Variants in JARID2 observed in about 807,000 individuals in gnomAD.
JARID2 encodes the protein jumonji and AT-rich interaction domain containing 2, also known as protein Jumonji.
Under a neutral mutation model 125.6 loss-of-function variants are expected in JARID2, and 21 were observed. The ratio of observed to expected loss-of-function variants is 0.17; its 90% CI spans 0.12 to 0.24. The LOEUF (loss-of-function observed/expected upper bound fraction) is 0.24, where lower values mean the gene tolerates loss of function less well. Among genes scored for constraint, JARID2 ranks in the 10% least tolerant of loss-of-function variants. The pLI is 1.00. For missense variants in JARID2, 1,303 were observed against 1,639.6 expected (o/e 0.79, Z 3.55); for synonymous variants, 736 against 661.6 (o/e 1.11, Z -1.73).
rs577245165 is a variant in JARID2 at position 15,432,213 on chromosome 6, G to C, written c.324-19793G>C. Among the ~76,000 whole-genome samples, 15 of 152,184 alleles carry C rather than the reference G, an allele frequency of 9.9e-5. No individual in the cohort carries two copies. The East Asian group carries it at 1.9e-3, about 20-fold the overall frequency. On this transcript the variant is annotated intron_variant, in intron 3 of 17. Transcript: ENST00000341776. The stretch of plus-strand genomic sequence containing the variant: ...GGAGGCTAAGGCGGGTGGATCTCTT[G>C]AGGTCAGGGATTCAAGACCAGCTTG...
At chr6:15,255,025 CAA>C (rs539161155) in intron 1 of JARID2, among the ~76,000 whole-genome samples, 37 of 141,628 alleles carry the variant, frequency 2.6e-4, no homozygotes, top group African/African-American at 9.3e-4. Context: ...AAACAAAAAA[CAA>C]AAAAAAAACA....
intron 1 of JARID2, among the ~76,000 whole-genome samples, chr6:15,276,888 T>C (rs1471533348): frequency 6.6e-6 from 1 of 152,192 alleles, no homozygotes; most frequent in East Asian, 1.9e-4. Context: ...ATTGTGTTTT[T>C]GGACCTTCCC....
intron 1 of JARID2, among the ~76,000 whole-genome samples, chr6:15,355,906 C>T (rs182035977): frequency 1.4e-3 from 206 of 152,314 alleles, no homozygotes; most frequent in African/African-American, 4.6e-3. Context: ...CCAGTGTGCC[C>T]GGCCACTTAG....
chr6:15,424,133 C>CT (rs66481311), intron 3 of JARID2, among the ~76,000 whole-genome samples: 30,034 of 141,100 alleles, frequency 0.21, 3,204 homozygotes, highest in Non-Finnish European at 0.24. Context: ...CTGGCTGCCT[C>CT]TTTTTTTTTT....
chr6:15,456,566 G>C (rs184712895), intron 4 of JARID2, among the ~76,000 whole-genome samples: 3 of 152,108 alleles, frequency 2.0e-5, no homozygotes, highest in Non-Finnish European at 4.4e-5. Flanking sequence ...TATTAAAAAT[G>C]AGTCATCCTA....
At chr6:15,336,651 CTT>C (rs10716567) in intron 1 of JARID2, among the ~76,000 whole-genome samples, 3,130 of 133,076 alleles carry the variant, frequency 0.024, 49 homozygotes, top group African/African-American at 0.044. Flanking sequence ...ATTCAGGATT[CTT>C]TTTTTTTTTT....
intron 1 of JARID2, among the ~76,000 whole-genome samples, chr6:15,332,930 CTTTTCTTTTTTTTTT>C (rs776140587): frequency 8.5e-5 from 7 of 82,818 alleles, no homozygotes; most frequent in South Asian, 4.6e-4. Context: ...CTTTTCTTTT[CTTTTCTTTTTTTTTT>C]TTTTTTTTTT....
chr6:15,301,723 G>A (rs794782), intron 1 of JARID2, among the ~76,000 whole-genome samples: 65,847 of 152,044 alleles, frequency 0.43, 14,828 homozygotes, highest in African/African-American at 0.54. Context: ...TTTGAAACGT[G>A]AGGAAAATTA....
At chr6:15,268,201 T>C (rs1339087732) in intron 1 of JARID2, among the ~76,000 whole-genome samples, 1 of 152,180 alleles carries the variant, frequency 6.6e-6, no homozygotes, top group East Asian at 1.9e-4. Context: ...TTCGTAAGGG[T>C]AGAGCTAGAT....
chr6:15,427,768 G>T (rs1243740603), intron 3 of JARID2, among the ~76,000 whole-genome samples: 1 of 152,098 alleles, frequency 6.6e-6, no homozygotes, highest in Non-Finnish European at 1.5e-5. Context: ...TACGTGAAAG[G>T]CACTAGATGC....
chr6:15,511,173 C>A, intron 12 of JARID2, 123 bp from the exon 13 acceptor site: 1 of 713,634 alleles, frequency 1.4e-6, no homozygotes, highest in South Asian at 1.6e-5. Flanking sequence ...GTGCGCCATC[C>A]CTGCCGGCGT....
Position 15,403,347 on chromosome 6 carries a change from G to T in JARID2, c.182-6877G>T, listed in dbSNP as rs576355261. On this transcript the variant is annotated intron_variant, in intron 2 of 17. Coordinates refer to ENST00000341776, the MANE Select transcript of JARID2 (RefSeq NM_004973.4). ...CAGTGTTTTCTGTCCCCCTGGGATT[G>T]TTGGTTAGGATGTACGAAGGGGAGA... 3.3e-5 allele frequency among the ~76,000 whole-genome samples: 5 copies of T among 152,294 alleles called. No individual in the cohort carries two copies. The South Asian group carries it at 1.0e-3, about 32-fold the overall frequency.
intron 3 of JARID2, among the ~76,000 whole-genome samples, chr6:15,415,449 A>C (rs1204541994): frequency 8.8e-3 from 719 of 82,124 alleles, no homozygotes; most frequent in Middle Eastern, 0.039. Flanking sequence ...GGGGGCTGAC[A>C]CCCCCACCTC....
intron 2 of JARID2, among the ~76,000 whole-genome samples, chr6:15,379,644 C>T (rs1037159429): frequency 8.5e-5 from 13 of 152,192 alleles, no homozygotes; most frequent in African/African-American, 2.7e-4. Context: ...AAACTTACCC[C>T]GGGCAGTAGT....
chr6:15,489,434 C>T (rs1262420131), intron 6 of JARID2, among the ~76,000 whole-genome samples: 2 of 152,198 alleles, frequency 1.3e-5, no homozygotes, highest in Non-Finnish European at 2.9e-5. Context: ...CGGGTGCGCA[C>T]ATCCTCTTGC....
chr6:15,480,639 C>T (rs751751180), intron 5 of JARID2, among the ~76,000 whole-genome samples: 6 of 152,166 alleles, frequency 3.9e-5, no homozygotes, highest in South Asian at 2.1e-4. Context: ...CAAGAGCTTT[C>T]GAAAAGATCA....
intron 5 of JARID2, among the ~76,000 whole-genome samples, chr6:15,482,945 A>G (rs1290836778): frequency 6.6e-6 from 1 of 152,232 alleles, no homozygotes. Flanking sequence ...GAACAAGGGT[A>G]CATCATCAAA....
intron 4 of JARID2, among the ~76,000 whole-genome samples, chr6:15,456,608 G>C (rs1470145474): frequency 2.0e-5 from 3 of 151,818 alleles, no homozygotes; most frequent in Non-Finnish European, 4.4e-5. Context: ...TTCCCGGGAG[G>C]ATAAGTGTGT....
intron 6 of JARID2, among the ~76,000 whole-genome samples, chr6:15,493,524 G>A (rs957385533): frequency 2.0e-5 from 3 of 152,136 alleles, no homozygotes; most frequent in Admixed American, 1.3e-4. Context: ...TGTGCTGGGA[G>A]TAGGGCTGAA....
Sources: allele counts gnomAD v4.1 joint callset (sites outside exome capture counted in the v4.1 genomes callset), GRCh38; gene constraint gnomAD v4.1.1; transcripts MANE v1.5; gene names NCBI Gene and HGNC (gene_info 2026-07-23, HGNC 2026-07-21).